The following RHOJ variants were observed in gnomAD, a reference collection of about 807,000 sequenced individuals.
RHOJ encodes rho-related GTP-binding protein RhoJ.
In RHOJ, 11 loss-of-function variants were observed where a neutral mutation model predicts 23.4. The observed-to-expected ratio is 0.47, with a 90% confidence interval of 0.30 to 0.78. RHOJ has a LOEUF of 0.78. Ranked by LOEUF, RHOJ falls within the 30% of genes least tolerant of loss-of-function variation. The pLI is 0.08. For missense variants in RHOJ, 254 were observed against 273.4 expected (o/e 0.93, Z 0.50); for synonymous variants, 102 against 102.7 (o/e 0.99, Z 0.04).
intron 2 of RHOJ, among the ~76,000 whole-genome samples, chr14:63,274,564 A>G (rs966139260): frequency 7.2e-5 from 11 of 152,180 alleles, no homozygotes; most frequent in Admixed American, 2.0e-4. Context: ...TGCTTCCAGG[A>G]CCAGCAGCTG....
chr14:63,282,224 T>C (rs1189254286), intron 3 of RHOJ, among the ~76,000 whole-genome samples: 1 of 151,912 alleles, frequency 6.6e-6, no homozygotes, highest in Non-Finnish European at 1.5e-5. Context: ...CTTTCTGTGA[T>C]TCAAGCTGAT....
rs1894851474 is a variant in RHOJ at position 63,239,730 on chromosome 14, AT to A, written c.179-29375del. 2.0e-5 allele frequency among the ~76,000 whole-genome samples: 3 copies of A among 152,306 alleles called. No homozygotes were observed. The South Asian group carries it at 6.2e-4, about 32-fold the overall frequency. The stretch of plus-strand genomic sequence containing the variant: ...ATCATGTCAGTGTGCCTTGGCTGCC[AT>A]TTTTGTGATGGCCACTGCTATCCAC... On this transcript the variant is annotated intron_variant, in intron 1 of 4. Coordinates refer to ENST00000316754, the MANE Select transcript of RHOJ (RefSeq NM_020663.5).
chr14:63,261,513 C>G (rs1388682834), intron 1 of RHOJ, among the ~76,000 whole-genome samples: 1 of 151,908 alleles, frequency 6.6e-6, no homozygotes, highest in African/African-American at 2.4e-5. Context: ...TCACTGCAAC[C>G]TTGATCTCCT....
intron 2 of RHOJ, among the ~76,000 whole-genome samples, chr14:63,280,412 G>A (rs2139663899): frequency 6.6e-6 from 1 of 152,250 alleles, no homozygotes; most frequent in African/African-American, 2.4e-5. Flanking sequence ...TTTTGATCAA[G>A]GGTACAAAGC....
At position 63,292,243 on chromosome 14, in the gene RHOJ, T is replaced by C. The variant is rs1487487778; in HGVS notation, c.*1219T>C. 6.6e-6 allele frequency: 1 copy of C among 152,202 alleles called. No homozygotes were observed. 9.4% of individuals were successfully genotyped at this position (152,202 alleles called of 1,614,324 possible). A position where few individuals can be genotyped will look rare whatever the true frequency, so the allele number is the denominator to read the frequency against. ...TTCCTTACTCATCCTCCCAAATGTC[T>C]TTGTGGGAGCCATATCAGTGGATAC... On this transcript the variant is annotated 3_prime_UTR_variant, in exon 5 of 5. Coordinates refer to ENST00000316754, the MANE Select transcript of RHOJ (RefSeq NM_020663.5).
chr14:63,226,643 G>A (rs1019428757), intron 1 of RHOJ, among the ~76,000 whole-genome samples: 6 of 151,416 alleles, frequency 4.0e-5, no homozygotes, highest in Non-Finnish European at 7.4e-5. Flanking sequence ...AGTTCCCAAA[G>A]GATGAAAGAA....
intron 1 of RHOJ, among the ~76,000 whole-genome samples, chr14:63,244,218 T>C (rs1215804770): frequency 6.6e-6 from 1 of 152,176 alleles, no homozygotes; most frequent in Non-Finnish European, 1.5e-5. Flanking sequence ...AAATTTTAGC[T>C]GCTATTGTTG....
At chr14:63,243,590 T>G (rs936792996) in intron 1 of RHOJ, among the ~76,000 whole-genome samples, 5 of 152,168 alleles carry the variant, frequency 3.3e-5, no homozygotes, top group Non-Finnish European at 4.4e-5. Context: ...TCCACCCACC[T>G]TGGCTTCCCG....
intron 3 of RHOJ, 30 bp downstream of exon 3, chr14:63,281,165 C>T (rs375747738): frequency 2.2e-5 from 34 of 1,568,810 alleles, no homozygotes; most frequent in African/African-American, 2.7e-5. Flanking sequence ...CAGGGTGGAG[C>T]GGGCTGCAAA....
intron 1 of RHOJ, among the ~76,000 whole-genome samples, chr14:63,241,971 C>T (rs1190928418): frequency 6.6e-6 from 1 of 152,074 alleles, no homozygotes. Flanking sequence ...GTGGTAAGTC[C>T]AAAGGAAGCT....
chr14:63,231,130 C>T (rs1016810675), intron 1 of RHOJ, among the ~76,000 whole-genome samples: 23 of 152,170 alleles, frequency 1.5e-4, no homozygotes, highest in Admixed American at 6.5e-5. Context: ...CTCAGGTGAT[C>T]TGCCTGCCTC....
At chr14:63,272,485 C>A (rs1187541975) in intron 2 of RHOJ, among the ~76,000 whole-genome samples, 2 of 152,140 alleles carry the variant, frequency 1.3e-5, no homozygotes, top group Non-Finnish European at 2.9e-5. Context: ...GATTTTTGTG[C>A]GTGAATAAAC....
chr14:63,212,819 C>T (rs1894267462), intron 1 of RHOJ, among the ~76,000 whole-genome samples: 1 of 152,184 alleles, frequency 6.6e-6, no homozygotes, highest in South Asian at 2.1e-4. Context: ...TGTAAAATAA[C>T]AATTAATACA....
intron 1 of RHOJ, among the ~76,000 whole-genome samples, chr14:63,247,931 G>C (rs1895004978): frequency 6.6e-6 from 1 of 152,122 alleles, no homozygotes; most frequent in South Asian, 2.1e-4. Context: ...GAGAATAAGA[G>C]CCAAGTGAAA....
At chr14:63,284,235 A>C in intron 4 of RHOJ, 3 of 985,280 alleles carry the variant, frequency 3.0e-6, no homozygotes, top group Non-Finnish European at 3.6e-6. Flanking sequence ...GATACACTCA[A>C]CTAGAAATGA....
chr14:63,221,390 G>A (rs997023313), intron 1 of RHOJ, among the ~76,000 whole-genome samples: 6 of 152,088 alleles, frequency 3.9e-5, no homozygotes, highest in Non-Finnish European at 7.4e-5. Flanking sequence ...TTCTAACAAG[G>A]CAAGCCTCTT....
At chr14:63,288,938 G>A (rs528774809) in intron 4 of RHOJ, among the ~76,000 whole-genome samples, 1 of 152,306 alleles carries the variant, frequency 6.6e-6, no homozygotes, top group East Asian at 1.9e-4. Flanking sequence ...TTCTTGCAGA[G>A]CTGAGTGATA....
At chr14:63,251,886 C>T (rs1188135908) in intron 1 of RHOJ, among the ~76,000 whole-genome samples, 2 of 152,052 alleles carry the variant, frequency 1.3e-5, no homozygotes, top group South Asian at 2.1e-4. Context: ...TTTGGGAGGC[C>T]GAGGCAGGCT....
chr14:63,253,513 G>A lies in RHOJ; in HGVS notation c.179-15597G>A, dbSNP rs911928126. Reference sequence around the variant, plus strand: ...CCCAAAGTGCCGGGATTGCAGGCATGAGATACTGTACCTGGCCCCTAGATA... The same window carrying A: ...CCCAAAGTGCCGGGATTGCAGGCATAAGATACTGTACCTGGCCCCTAGATA... On this transcript the variant is annotated intron_variant, in intron 1 of 4. Coordinates refer to ENST00000316754, the MANE Select transcript of RHOJ (RefSeq NM_020663.5). Among the ~76,000 whole-genome samples the A allele has an allele frequency of 1.1e-4, 16 of 152,164 alleles. No individual in the cohort carries two copies. In the South Asian group the frequency reaches 2.1e-3, roughly 20 times the overall value.
Sources: gnomAD v4.1 joint callset for allele counts (sites outside exome capture counted in the v4.1 genomes callset) on GRCh38, gnomAD v4.1.1 for gene constraint, MANE v1.5 for transcripts, NCBI Gene and HGNC (gene_info 2026-07-23, HGNC 2026-07-21) for gene names.